Variants in NPR3 observed in about 807,000 individuals in gnomAD.
NPR3 encodes natriuretic peptide receptor 3.
NPR3 carries 34 observed loss-of-function variants against 54.5 expected under a neutral mutation model. That is an observed-to-expected ratio of 0.62 (90% CI 0.47 to 0.83). The LOEUF (loss-of-function observed/expected upper bound fraction) is 0.83, where lower values mean the gene tolerates loss of function less well. Among genes scored for constraint, NPR3 ranks in the 40% least tolerant of loss-of-function variants. The pLI is 0.00. For synonymous variants in NPR3, 289 were observed against 297.1 expected (o/e 0.97, Z 0.28); for missense variants, 674 against 720.8 (o/e 0.94, Z 0.74).
intron 2 of NPR3, among the ~76,000 whole-genome samples, chr5:32,729,130 C>T (rs11739574): frequency 0.13 from 18,328 of 145,054 alleles, 1,268 homozygotes; most frequent in East Asian, 0.23. Flanking sequence ...CCCGGGTTCA[C>T]GCCATTCTCC....
upstream of NPR3, chr5:32,710,859 G>GTTTTTTTT (rs56022335): frequency 9.6e-4 from 938 of 979,416 alleles, 13 homozygotes; most frequent in African/African-American, 0.016. Context: ...CCCAGTCCTG[G>GTTTTTTTT]TTTTTTTTTT....
chr5:32,784,918 T>G, intron 7 of NPR3, 35 bp downstream of exon 7: 9 of 1,420,474 alleles, frequency 6.3e-6, no homozygotes, highest in Non-Finnish European at 9.0e-6. Flanking sequence ...ATTCACTCTC[T>G]TCTGCTGTCT....
intron 4 of NPR3, among the ~76,000 whole-genome samples, chr5:32,779,835 C>T (rs920687028): frequency 3.3e-5 from 5 of 152,142 alleles, no homozygotes; most frequent in African/African-American, 1.2e-4. Flanking sequence ...TAGATGAAAA[C>T]AATTAACTTC....
At chr5:32,767,351 C>G (rs867447912) in intron 3 of NPR3, among the ~76,000 whole-genome samples, 3 of 152,308 alleles carry the variant, frequency 2.0e-5, no homozygotes, top group Non-Finnish European at 2.9e-5. Context: ...TGGTCAGACT[C>G]TCTGTCATAG....
In NPR3 at chr5:32,736,249, GA is replaced by G. The variant is rs796434040; in HGVS notation, c.893-2605del. On this transcript the variant is annotated intron_variant, in intron 2 of 7. Transcript: ENST00000265074. The stretch of plus-strand genomic sequence containing the variant: ...CTGTCTCAAAAAAAAAAAAAAAAAA[GA>G]AAAAAAAAAGGAAAACAAAACTCCA... Among the ~76,000 whole-genome samples, 661 of 125,224 alleles carry G rather than the reference GA, an allele frequency of 5.3e-3. 3 individuals are homozygous for G. The highest frequency in any genetic ancestry group is 5.9e-3 in the Non-Finnish European group (348 of 59,112). The allele number at this position is 125,224 out of a possible 152,430, so 82.2% of individuals were successfully genotyped here.
intron 3 of NPR3, among the ~76,000 whole-genome samples, chr5:32,752,109 C>A (rs1402390574): frequency 6.6e-6 from 1 of 152,120 alleles, no homozygotes; most frequent in Non-Finnish European, 1.5e-5. Flanking sequence ...GAGGCTGAGG[C>A]AGGAGAATCA....
At chr5:32,703,791 T>C (rs1287894004) in intron 1 of NPR3, among the ~76,000 whole-genome samples, 3 of 152,178 alleles carry the variant, frequency 2.0e-5, no homozygotes, top group Non-Finnish European at 4.4e-5. Context: ...GAGTCTCTTG[T>C]GGAGCTGCAA....
intron 1 of NPR3, among the ~76,000 whole-genome samples, chr5:32,712,954 A>G (rs1051863019): frequency 6.6e-6 from 1 of 152,148 alleles, no homozygotes; most frequent in Non-Finnish European, 1.5e-5. Context: ...GTCCTTTGCC[A>G]GCGTGCGCCC....
intron 4 of NPR3, among the ~76,000 whole-genome samples, chr5:32,776,103 T>G (rs576843401): frequency 1.3e-5 from 2 of 152,356 alleles, no homozygotes; most frequent in African/African-American, 2.4e-5. Flanking sequence ...ATTTTAAGCC[T>G]TCTGCCAGCA....
At chr5:32,709,227 A>T (rs1429014643), upstream of NPR3, among the ~76,000 whole-genome samples, 3 of 152,236 alleles carry the variant, frequency 2.0e-5, no homozygotes, top group African/African-American at 7.2e-5. Context: ...GACACAGGGC[A>T]TACCGCAGAG....
chr5:32,776,858 A>G (rs1225230837), intron 4 of NPR3, among the ~76,000 whole-genome samples: 1 of 152,144 alleles, frequency 6.6e-6, no homozygotes, highest in East Asian at 1.9e-4. Flanking sequence ...AGAAAATGCC[A>G]GGCAAGGAGG....
chr5:32,771,248 G>A (rs931751702), intron 3 of NPR3, among the ~76,000 whole-genome samples: 1 of 152,154 alleles, frequency 6.6e-6, no homozygotes, highest in African/African-American at 2.4e-5. Context: ...CCCCCGCAGT[G>A]GGCGGGGTGC....
intron 3 of NPR3, among the ~76,000 whole-genome samples, chr5:32,772,719 A>G (rs1317061384): frequency 6.6e-6 from 1 of 152,246 alleles, no homozygotes; most frequent in East Asian, 1.9e-4. Context: ...AATTACAGCA[A>G]CAAAAGCTAA....
At chr5:32,696,174 A>G (rs1434637031) in intron 1 of NPR3, among the ~76,000 whole-genome samples, 3 of 152,158 alleles carry the variant, frequency 2.0e-5, no homozygotes. Context: ...TGATTTTTGT[A>G]TATAATGAGA....
At chr5:32,693,810 G>A (rs17442964) in intron 1 of NPR3, among the ~76,000 whole-genome samples, 54,053 of 151,956 alleles carry the variant, frequency 0.36, 9,940 homozygotes, top group Middle Eastern at 0.46. Context: ...TATAAGCTGA[G>A]TATTGAGTAC....
chr5:32,783,267 A>G, intron 6 of NPR3: 1 of 405,918 alleles, frequency 2.5e-6, no homozygotes, highest in Non-Finnish European at 4.3e-6. Flanking sequence ...TCTTACTATA[A>G]TCTCTTGGCT....
chr5:32,760,299 C>T (rs1327168484), intron 3 of NPR3, among the ~76,000 whole-genome samples: 2 of 152,164 alleles, frequency 1.3e-5, no homozygotes, highest in African/African-American at 4.8e-5. Context: ...AAAGTAGTAT[C>T]ATTTTACATT....
At chr5:32,691,846 G>A (rs903730124) in intron 1 of NPR3, among the ~76,000 whole-genome samples, 1 of 152,214 alleles carries the variant, frequency 6.6e-6, no homozygotes, top group Non-Finnish European at 1.5e-5. Context: ...ATGTTAGCAT[G>A]TTATGCAGCA....
chr5:32,723,930 C>T (rs1439793272), intron 1 of NPR3, among the ~76,000 whole-genome samples: 1 of 151,876 alleles, frequency 6.6e-6, no homozygotes, highest in Non-Finnish European at 1.5e-5. Flanking sequence ...ACCCATCTAC[C>T]TATCATCTAT....
Sources: allele counts gnomAD v4.1 joint callset (sites outside exome capture counted in the v4.1 genomes callset), GRCh38; gene constraint gnomAD v4.1.1; transcripts MANE v1.5; gene names NCBI Gene and HGNC (gene_info 2026-07-23, HGNC 2026-07-21).